The following USP13 variants were observed in gnomAD, a reference collection of about 807,000 sequenced individuals.
The protein encoded by USP13 is ubiquitin specific peptidase 13, also known as ubiquitin carboxyl-terminal hydrolase 13.
In USP13, 68 loss-of-function variants were observed where a neutral mutation model predicts 107.8. That is an observed-to-expected ratio of 0.63 (90% CI 0.52 to 0.77). The LOEUF (loss-of-function observed/expected upper bound fraction) is 0.77. USP13 is among the 30% of genes least tolerant of loss of function. USP13 has a pLI of 0.00. For synonymous variants in USP13, 377 were observed against 389.5 expected (o/e 0.97, Z 0.38); for missense variants, 945 against 1,093.3 (o/e 0.86, Z 1.91).
At chr3:179,680,202 A>G (rs1234686760) in intron 1 of USP13, among the ~76,000 whole-genome samples, 1 of 146,392 alleles carries the variant, frequency 6.8e-6, no homozygotes, top group East Asian at 2.1e-4. Flanking sequence ...AACAACAACA[A>G]AAAGAAAGAG....
In USP13 at chr3:179,708,896, T is replaced by C; in HGVS notation, c.744T>C (p.His248=). 1 of 1,614,080 alleles carries C rather than the reference T, an allele frequency of 6.2e-7. No individual in the cohort carries two copies. The highest frequency in any genetic ancestry group is 8.5e-7 in the Non-Finnish European group (1 of 1,180,020). The change falls in exon 6 of 21, where the codon CAT becomes CAC. Residue 248 remains histidine, a synonymous_variant. Coordinates refer to ENST00000263966, the MANE Select transcript of USP13 (RefSeq NM_003940.3). ...SSGGNGHALE[H]YRDMGYPLAV... is the part of the protein sequence containing the mutation. ...GGGGCAACGGGCATGCGCTGGAGCA[T>C]TACAGAGACATGGGCTACCCACTAG...
Position 179,757,038 on chromosome 3 carries a change from C to T in USP13, c.1922-14C>T. Reference sequence around the variant, plus strand: ...GGTTTGGTCTCATTTTCTGTCCTCTCCCTTAATTTCCAGATCGCCTGATGA... The same window carrying T: ...GGTTTGGTCTCATTTTCTGTCCTCTTCCTTAATTTCCAGATCGCCTGATGA... On this transcript the variant is annotated splice_polypyrimidine_tract_variant and intron_variant, in intron 15 of 20. Coordinates refer to ENST00000263966, the MANE Select transcript of USP13 (RefSeq NM_003940.3). 2 of 1,613,934 alleles carry T rather than the reference C, an allele frequency of 1.2e-6. No individual in the cohort carries two copies. Among genetic ancestry groups the T allele is most frequent in the Non-Finnish European group, 1.7e-6 (2 of 1,179,870 alleles).
rs1350674163 is a variant in USP13, at chr3:179,707,033, A to G, written c.577A>G (p.Asn193Asp). 6.2e-7 allele frequency: 1 copy of G among 1,614,176 alleles called. No homozygotes were observed. Among genetic ancestry groups the G allele is most frequent in the East Asian group, 2.2e-5 (1 of 44,888 alleles). Residue 193 changes from asparagine (N) to aspartate (D), a missense_variant, in exon 5 of 21, where the codon AAC (asparagine) becomes GAC (aspartate). By Grantham distance (23) the Asn-to-Asp change is conservative. Transcript: ENST00000263966. ...ENELPVSKYA[N>D]NLTQLDNGVR... ...TGAATTGCCAGTATCTAAATATGCC[A>G]ACAACCTCACCCAGCTGGACAATGG... is the stretch of plus-strand genomic sequence containing the variant.
At chr3:179,690,763 G>A (rs536945400) in intron 3 of USP13, among the ~76,000 whole-genome samples, 4 of 152,022 alleles carry the variant, frequency 2.6e-5, no homozygotes, top group Non-Finnish European at 4.4e-5. Flanking sequence ...TTGTAGAGAC[G>A]GAGTTTCACC....
At chr3:179,773,820 T>G (rs1441005745) in intron 19 of USP13, among the ~76,000 whole-genome samples, 1 of 152,216 alleles carries the variant, frequency 6.6e-6, no homozygotes, top group African/African-American at 2.4e-5. Context: ...ATACCCCAAT[T>G]TATAAATCTA....
At chr3:179,660,087 A>G (rs1403660491) in intron 1 of USP13, among the ~76,000 whole-genome samples, 3 of 152,132 alleles carry the variant, frequency 2.0e-5, no homozygotes, top group African/African-American at 7.2e-5. Flanking sequence ...TAATTGTACA[A>G]TTCAGTGGCA....
At chr3:179,717,504 G>A (rs1460337740) in intron 6 of USP13, among the ~76,000 whole-genome samples, 2 of 152,146 alleles carry the variant, frequency 1.3e-5, no homozygotes, top group Non-Finnish European at 2.9e-5. Context: ...AGGGCTGTGT[G>A]GTTTTCACTT....
chr3:179,780,940 G>T (rs1290347464), intron 19 of USP13, among the ~76,000 whole-genome samples: 1 of 152,280 alleles, frequency 6.6e-6, no homozygotes, highest in South Asian at 2.1e-4. Flanking sequence ...TCTTGTAAAT[G>T]TGTTCTCTCA....
At chr3:179,727,005 C>G (rs1713543287) in intron 8 of USP13, among the ~76,000 whole-genome samples, 2 of 151,854 alleles carry the variant, frequency 1.3e-5, no homozygotes, top group Non-Finnish European at 2.9e-5. Context: ...ATCCCAATTT[C>G]TCACCTCTCA....
chr3:179,755,084 G>GT (rs548080204), intron 15 of USP13, among the ~76,000 whole-genome samples: 23 of 151,670 alleles, frequency 1.5e-4, no homozygotes, highest in East Asian at 3.9e-4. Flanking sequence ...GAAATGGACA[G>GT]TTTTTTTTTG....
rs189949478 is a variant in USP13, at chr3:179,712,354, A to C, written c.805+3397A>C. Among the ~76,000 whole-genome samples the C allele has an allele frequency of 3.3e-5, 5 of 152,322 alleles. No homozygotes were observed. The East Asian group carries it at 7.7e-4, about 23-fold the overall frequency. Reference sequence around the variant, plus strand: ...AACATATGTAGAAAACAGAGATAAAAGTTTAGATAAATCAATACAAAATAC... The same window carrying C: ...AACATATGTAGAAAACAGAGATAAACGTTTAGATAAATCAATACAAAATAC... On this transcript the variant is annotated intron_variant, in intron 6 of 20. Transcript: ENST00000263966.
At chr3:179,684,010 G>A (rs542906426) in intron 2 of USP13, among the ~76,000 whole-genome samples, 2 of 152,028 alleles carry the variant, frequency 1.3e-5, no homozygotes, top group East Asian at 3.9e-4. Context: ...CACCAGGCTG[G>A]AGTGCAGTGG....
At position 179,653,250 on chromosome 3, in the gene USP13, G is replaced by T. The variant is rs766061134; in HGVS notation, c.25G>T (p.Gly9Cys). Residue 9 changes from glycine to cysteine, a missense_variant, in exon 1 of 21, where the codon GGC (glycine) becomes TGC (cysteine). Physicochemically the swap from Gly to Cys is radical, Grantham distance 159. Transcript: ENST00000263966. This position sits in a 1 kb window ranked among gnomAD's most constrained non-coding sequence, Gnocchi z 4.0. MQRRGALF[G>C]MPGGSGGRKM... ...CATGCAGCGCCGGGGCGCCCTGTTC[G>T]GCATGCCGGGCGGCAGCGGAGGCAG... 1 of 1,555,368 alleles carries T rather than the reference G, an allele frequency of 6.4e-7. No homozygotes were observed. The highest frequency in any genetic ancestry group is 8.7e-7 in the Non-Finnish European group (1 of 1,150,472).
chr3:179,772,476 C>T (rs992720229), intron 19 of USP13, among the ~76,000 whole-genome samples: 1 of 152,172 alleles, frequency 6.6e-6, no homozygotes, highest in Admixed American at 6.5e-5. Context: ...GAGAGGCGTT[C>T]ATTTGCATAA....
chr3:179,660,021 C>T lies in USP13; in HGVS notation c.168+6628C>T, dbSNP rs540981482. On this transcript the variant is annotated intron_variant, in intron 1 of 20. Transcript: ENST00000263966. Reference sequence around the variant, plus strand: ...TCCCGCTATTCCACTCCAGCCTGGGCGACAGAGCGAGACTCTGTCTCAAAA... The same window carrying T: ...TCCCGCTATTCCACTCCAGCCTGGGTGACAGAGCGAGACTCTGTCTCAAAA... 3.2e-4 allele frequency among the ~76,000 whole-genome samples: 48 copies of T among 152,210 alleles called. No individual in the cohort carries two copies. The South Asian group carries it at 9.5e-3, about 30-fold the overall frequency.
rs1321830297 is a variant in USP13 at position 179,783,430 on chromosome 3, T to G, written c.2499-618T>G. Among the ~76,000 whole-genome samples the G allele has an allele frequency of 2.6e-5, 4 of 152,216 alleles. No individual in the cohort carries two copies. The East Asian group carries it at 7.7e-4, about 29-fold the overall frequency. ...CAATTTTTTAACCAGTAATTTCCCA[T>G]TTCATATTATATCATGGTTATTTTC... On this transcript the variant is annotated intron_variant, in intron 20 of 20. Coordinates refer to ENST00000263966, the MANE Select transcript of USP13 (RefSeq NM_003940.3).
intron 3 of USP13, among the ~76,000 whole-genome samples, chr3:179,694,329 G>A (rs999000002): frequency 2.6e-5 from 4 of 152,134 alleles, no homozygotes; most frequent in African/African-American, 7.2e-5. Flanking sequence ...TGTAGAGGAT[G>A]TTGGGAAACA....
In USP13 at chr3:179,721,560, C is replaced by T; in HGVS notation, c.1059C>T (p.Ala353=). The T allele has an allele frequency of 6.2e-7, 1 of 1,613,780 alleles. No homozygotes were observed. The change falls in exon 8 of 21, where the codon GCC becomes GCT. Residue 353 remains alanine (A), a synonymous_variant. Coordinates refer to ENST00000263966, the MANE Select transcript of USP13 (RefSeq NM_003940.3). This position sits in a 1 kb window ranked among gnomAD's most constrained non-coding sequence, Gnocchi z 4.3. ...GCTATCTCAGCTCTGTCATGCAGGCCATCTTCAGCATCCCAGAATTCCAGA... is the reference window on the plus strand; with the variant it reads ...GCTATCTCAGCTCTGTCATGCAGGCTATCTTCAGCATCCCAGAATTCCAGA... ...NSCYLSSVMQ[A]IFSIPEFQRA... is the part of the protein sequence containing the mutation.
chr3:179,701,258 A>T, intron 4 of USP13, 129 bp downstream of exon 4: 1 of 1,250,302 alleles, frequency 8.0e-7, no homozygotes, highest in African/African-American at 1.5e-5. Flanking sequence ...AAGAGGATGA[A>T]AATGAGCATG....
Sources: allele counts gnomAD v4.1 joint callset (sites outside exome capture counted in the v4.1 genomes callset), GRCh38; gene constraint gnomAD v4.1.1; non-coding constraint Gnocchi (gnomAD v3.1); transcripts MANE v1.5; gene names NCBI Gene and HGNC (gene_info 2026-07-23, HGNC 2026-07-21).